The following TMEM67 variants were observed in gnomAD, a reference collection of about 807,000 sequenced individuals.
TMEM67 encodes meckelin.
In TMEM67, 124 loss-of-function variants were observed where a neutral mutation model predicts 136.6. The observed-to-expected ratio is 0.91, with a 90% CI of 0.78 to 1.05. The LOEUF (loss-of-function observed/expected upper bound fraction) is 1.05, where lower values mean the gene tolerates loss of function less well. Ranked by LOEUF, TMEM67 falls within the 50% of genes least tolerant of loss-of-function variation. The pLI is 0.00. For synonymous variants in TMEM67, 364 were observed against 390.5 expected (o/e 0.93, Z 0.80); for missense variants, 1,107 against 1,178.4 (o/e 0.94, Z 0.89).
intron 14 of TMEM67, 70 bp from the exon 15 acceptor site, chr8:93,791,193 T>C (rs1814358764): frequency 9.4e-7 from 1 of 1,067,466 alleles, no homozygotes; most frequent in African/African-American, 1.6e-5. Flanking sequence ...TACAAATGTA[T>C]TTTTATAACA....
Position 93,771,261 on chromosome 8 carries a change from TA to T in TMEM67, c.652-1320del, listed in dbSNP as rs36064473. ...CTTTTTCTCTGTGCTTTTTTTTTTTTAAAAAAAAGCTTTATTATGAACTGTA... is the reference window on the plus strand; with the variant it reads ...CTTTTTCTCTGTGCTTTTTTTTTTTTAAAAAAAGCTTTATTATGAACTGTA... On this transcript the variant is annotated intron_variant, in intron 6 of 27. Coordinates refer to ENST00000453321, the MANE Select transcript of TMEM67 (RefSeq NM_153704.6). Among the ~76,000 whole-genome samples the T allele has an allele frequency of 4.0e-4, 61 of 151,200 alleles. 1 individual carries two copies. Among genetic ancestry groups the T allele is most frequent in the Admixed American group, 3.0e-3 (45 of 15,162 alleles).
chr8:93,826,373 C>G, the TMEM67 span, among the ~76,000 whole-genome samples: 1 of 151,928 alleles, frequency 6.6e-6, no homozygotes, highest in African/African-American at 2.4e-5. Context: ...TCATGATCCG[C>G]CCGCCTCGGC....
chr8:93,786,423 A>G (rs1814106690), intron 13 of TMEM67, 77 bp downstream of exon 13: 4 of 1,498,356 alleles, frequency 2.7e-6, no homozygotes, highest in Admixed American at 1.7e-5. Flanking sequence ...GTAGATGAAA[A>G]CAATAAGGAC....
chr8:93,775,586 C>G (rs1225352740), intron 7 of TMEM67, among the ~76,000 whole-genome samples: 2 of 152,090 alleles, frequency 1.3e-5, no homozygotes, highest in African/African-American at 4.8e-5. Context: ...GCCAGTTTTC[C>G]CAGCACCATT....
chr8:93,788,971 A>ACCC (rs1259232762), intron 14 of TMEM67, among the ~76,000 whole-genome samples: 1 of 152,174 alleles, frequency 6.6e-6, no homozygotes, highest in Non-Finnish European at 1.5e-5. Flanking sequence ...AGGAGGGGTA[A>ACCC]ATGAGAGAGG....
chr8:93,765,295 A>C (rs1201027724), intron 4 of TMEM67, 111 bp from the exon 5 acceptor site: 1 of 824,584 alleles, frequency 1.2e-6, no homozygotes, highest in Non-Finnish European at 2.0e-6. Context: ...TATTTACATA[A>C]TTGCTTACTG....
chr8:93,767,863 CTTTTTTTT>C (rs200241819), intron 6 of TMEM67, among the ~76,000 whole-genome samples: 1 of 109,894 alleles, frequency 9.1e-6, no homozygotes, highest in Admixed American at 1.0e-4. Context: ...TTTCTTTTTT[CTTTTTTTT>C]TTTTTTTTTT....
intron 3 of TMEM67, among the ~76,000 whole-genome samples, chr8:93,760,244 A>G (rs1026732990): frequency 6.6e-6 from 1 of 152,210 alleles, no homozygotes; most frequent in Non-Finnish European, 1.5e-5. Flanking sequence ...GAACTACCCC[A>G]TCAGATAATA....
rs147398251 is a variant in TMEM67 at position 93,801,433 on chromosome 8, C to T, written c.2241+1675C>T. Among the ~76,000 whole-genome samples the T allele has an allele frequency of 4.0e-3, 605 of 150,902 alleles. 6 individuals are homozygous for T. Among genetic ancestry groups the T allele is most frequent in the African/African-American group, 0.014 (591 of 41,076 alleles). On this transcript the variant is annotated intron_variant, in intron 21 of 27. Transcript: ENST00000453321. The stretch of plus-strand genomic sequence containing the variant: ...TTTTTTTTTTTGAGACAGAGTTTCA[C>T]TCTTGTTGCCCAGGCTGTAGTGCAG...
intron 11 of TMEM67, 41 bp downstream of exon 11, chr8:93,782,501 T>G: frequency 1.3e-6 from 2 of 1,495,730 alleles, no homozygotes; most frequent in Non-Finnish European, 1.9e-6. Flanking sequence ...AGCTTTATTT[T>G]TCAAAATATC....
At position 93,804,881 on chromosome 8, in the gene TMEM67, A is replaced by T; in HGVS notation, c.2439+3A>T. On this transcript the variant is annotated splice_donor_region_variant and intron_variant, in intron 23 of 27. Coordinates refer to ENST00000453321, the MANE Select transcript of TMEM67 (RefSeq NM_153704.6). ...ATATGAACCTTAAAAGAGAAGCGGTATGAAAATGTTTTACATCTTTTTGTT... is the reference window on the plus strand; with the variant it reads ...ATATGAACCTTAAAAGAGAAGCGGTTTGAAAATGTTTTACATCTTTTTGTT... 4.0e-6 allele frequency: 6 copies of T among 1,494,698 alleles called. No individual in the cohort carries two copies. Among genetic ancestry groups the T allele is most frequent in the Non-Finnish European group, 5.6e-6 (6 of 1,071,420 alleles). The allele number at this position is 1,494,698 out of a possible 1,614,324, so 92.6% of individuals were successfully genotyped here. A position where few individuals can be genotyped will look rare whatever the true frequency, so the allele number is the denominator to read the frequency against.
At chr8:93,800,156 C>T (rs2130745970) in intron 21 of TMEM67, among the ~76,000 whole-genome samples, 1 of 152,246 alleles carries the variant, frequency 6.6e-6, no homozygotes, top group East Asian at 1.9e-4. Flanking sequence ...GGTGATCCAT[C>T]CTCCTCACCC....
In TMEM67 at chr8:93,804,844, T is replaced by C; in HGVS notation, c.2405T>C (p.Met802Thr). 6.2e-7 allele frequency: 1 copy of C among 1,601,152 alleles called. No individual in the cohort carries two copies. Residue 802 changes from methionine (M) to threonine (T), a missense_variant, in exon 23 of 28, where the codon ATG (methionine) becomes ACG (threonine). Physicochemically the swap from Met to Thr is moderately conservative, Grantham distance 81. Transcript: ENST00000453321. Reference protein sequence around the residue: ...RSVHGHADTNMEEMNMNLKRE... With the variant: ...RSVHGHADTNTEEMNMNLKRE... ...GTACATGGGCATGCAGATACTAATA[T>C]GGAAGAAATGAATATGAACCTTAAA...
chr8:93,775,328 T>G (rs1016718750), intron 7 of TMEM67, among the ~76,000 whole-genome samples: 10 of 152,378 alleles, frequency 6.6e-5, no homozygotes, highest in Middle Eastern at 3.4e-3. Context: ...TGACAGTTTC[T>G]TTTGCTGTGC....
At chr8:93,765,541 CT>C (rs774815496) in intron 5 of TMEM67, 30 bp from the exon 6 acceptor site, 1 of 1,600,554 alleles carries the variant, frequency 6.2e-7, no homozygotes, top group African/African-American at 1.3e-5. Flanking sequence ...TTTTCATAAG[CT>C]TCTATTTTTT....
At chr8:93,802,538 A>G (rs1814912953) in intron 21 of TMEM67, among the ~76,000 whole-genome samples, 3 of 152,318 alleles carry the variant, frequency 2.0e-5, no homozygotes, top group Non-Finnish European at 4.4e-5. Flanking sequence ...TCTCCATGGT[A>G]ATATTCTAAA....
chr8:93,755,666 A>C lies in TMEM67; in HGVS notation c.224-112A>C, dbSNP rs1038639357. ...TGCCTCCAGAATCCTGCTGTTAATC[A>C]CTATACTGCTTCTCAAGATCTTCAG... On this transcript the variant is annotated intron_variant, in intron 1 of 27. Coordinates refer to ENST00000453321, the MANE Select transcript of TMEM67 (RefSeq NM_153704.6). 11 of 730,388 alleles carry C rather than the reference A, an allele frequency of 1.5e-5. No homozygotes were observed. The African/African-American group carries it at 1.6e-4, about 11-fold the overall frequency. The allele number at this position is 730,388 out of a possible 1,614,324, so 45.2% of individuals were successfully genotyped here.
In TMEM67 at chr8:93,786,356, T is replaced by C; in HGVS notation, c.1412+10T>C. 1.9e-6 allele frequency: 3 copies of C among 1,613,104 alleles called. No homozygotes were observed. The highest frequency in any genetic ancestry group is 2.5e-6 in the Non-Finnish European group (3 of 1,179,360). On this transcript the variant is annotated intron_variant, in intron 13 of 27. Coordinates refer to ENST00000453321, the MANE Select transcript of TMEM67 (RefSeq NM_153704.6). Reference sequence around the variant, plus strand: ...CTCAAATATCACTGAGGTAAACAAATGTCTAATGATATTATTTATGGGAAA... The same window carrying C: ...CTCAAATATCACTGAGGTAAACAAACGTCTAATGATATTATTTATGGGAAA...
In TMEM67 at chr8:93,790,572, A is replaced by G. The variant is rs150978425; in HGVS notation, c.1519-691A>G. 4.4e-3 allele frequency among the ~76,000 whole-genome samples: 665 copies of G among 152,268 alleles called. 7 individuals are homozygous for G. The highest frequency in any genetic ancestry group is 0.015 in the African/African-American group (615 of 41,576). On this transcript the variant is annotated intron_variant, in intron 14 of 27. Transcript: ENST00000453321. ...AGTTCTGCCAGCTGCCCAGCTTGCT[A>G]TTATATCTCTTCTTCATTTCCCAAC...
Sources: gnomAD v4.1 joint callset for allele counts (sites outside exome capture counted in the v4.1 genomes callset) on GRCh38, gnomAD v4.1.1 for gene constraint, MANE v1.5 for transcripts, NCBI Gene and HGNC (gene_info 2026-07-23, HGNC 2026-07-21) for gene names.